The following MAML3 variants were observed in gnomAD, a reference collection of about 807,000 sequenced individuals.
The protein encoded by MAML3 is mastermind-like protein 3.
Under a neutral mutation model 101.9 loss-of-function variants are expected in MAML3, and 27 were observed. The ratio of observed to expected loss-of-function variants is 0.27; its 90% CI spans 0.20 to 0.37. MAML3 has a LOEUF of 0.37. MAML3 is among the 10% of genes least tolerant of loss of function. The probability of loss-of-function intolerance (pLI) is 1.00; values close to 1 mark genes in which losing one functional copy is unlikely to be tolerated. For missense variants in MAML3, 1,316 were observed against 1,444.9 expected (o/e 0.91, Z 1.45); for synonymous variants, 501 against 555.9 (o/e 0.90, Z 1.39).
At chr4:140,120,351 T>C (rs1303666659) in intron 1 of MAML3, among the ~76,000 whole-genome samples, 1 of 151,922 alleles carries the variant, frequency 6.6e-6, no homozygotes, top group African/African-American at 2.4e-5. Context: ...TGATACCATA[T>C]ACAAAAAGCT....
At position 139,765,457 on chromosome 4, in the gene MAML3, C is replaced by T. The variant is rs967297584; in HGVS notation, c.2080-34790G>A. Among the ~76,000 whole-genome samples the T allele has an allele frequency of 1.1e-4, 16 of 152,182 alleles. 1 individual carries two copies. Among genetic ancestry groups the T allele is most frequent in the Admixed American group, 6.5e-5 (1 of 15,282 alleles). The stretch of plus-strand genomic sequence containing the variant: ...ATGACATTGGTTACCCTGATTTTGG[C>T]TTTACTGGGCCTGAAAGTGCAAAGT... On this transcript the variant is annotated intron_variant, in intron 2 of 4. Coordinates refer to ENST00000509479, the MANE Select transcript of MAML3 (RefSeq NM_018717.5).
chr4:140,117,762 CAAATA>C (rs1289899047), intron 1 of MAML3, among the ~76,000 whole-genome samples: 2 of 151,692 alleles, frequency 1.3e-5, no homozygotes, highest in Non-Finnish European at 2.9e-5. Flanking sequence ...CATAAAAATA[CAAATA>C]AAATGTTTCT....
At chr4:139,838,994 T>C (rs73854384) in intron 2 of MAML3, among the ~76,000 whole-genome samples, 13,811 of 152,244 alleles carry the variant, frequency 0.091, 1,945 homozygotes, top group African/African-American at 0.31. Context: ...TGAAAACATT[T>C]ACCCTAAAAA....
chr4:140,065,396 T>C (rs1169361180), intron 1 of MAML3, among the ~76,000 whole-genome samples: 1 of 152,170 alleles, frequency 6.6e-6, no homozygotes, highest in Non-Finnish European at 1.5e-5. Context: ...ATCAGCTGGC[T>C]CTACTGATGG....
At chr4:139,918,966 GA>G (rs1270996835) in intron 1 of MAML3, among the ~76,000 whole-genome samples, 2 of 152,046 alleles carry the variant, frequency 1.3e-5, no homozygotes, top group Admixed American at 1.3e-4. Context: ...AAATATTAGA[GA>G]AAAAACATCT....
At chr4:140,146,239 T>C (rs1729062615) in intron 1 of MAML3, among the ~76,000 whole-genome samples, 1 of 152,178 alleles carries the variant, frequency 6.6e-6, no homozygotes, top group Non-Finnish European at 1.5e-5. Context: ...AGTAGTAACT[T>C]CCTGCTCCTA....
At chr4:139,745,243 T>C (rs746830792) in intron 2 of MAML3, among the ~76,000 whole-genome samples, 37 of 152,136 alleles carry the variant, frequency 2.4e-4, no homozygotes, top group Non-Finnish European at 3.8e-4. Context: ...GGACTGGCCA[T>C]GGACAGATCT....
intron 1 of MAML3, chr4:140,128,210 G>C (rs1578698978): frequency 6.6e-6 from 1 of 152,266 alleles, no homozygotes. Context: ...ACAATACAAG[G>C]TAAGATCTCT....
intron 2 of MAML3, among the ~76,000 whole-genome samples, chr4:139,781,101 C>T (rs912411028): frequency 2.0e-4 from 30 of 152,300 alleles, no homozygotes; most frequent in African/African-American, 7.0e-4. Flanking sequence ...ATGCATTACT[C>T]TCTGGATGTT....
At chr4:139,906,375 C>G (rs1226285969) in intron 1 of MAML3, among the ~76,000 whole-genome samples, 1 of 152,180 alleles carries the variant, frequency 6.6e-6, no homozygotes, top group Non-Finnish European at 1.5e-5. Flanking sequence ...TCAGAGGAGG[C>G]AAAAGTTAGC....
chr4:139,725,460 C>A (rs531281228), intron 4 of MAML3, among the ~76,000 whole-genome samples: 5 of 152,254 alleles, frequency 3.3e-5, no homozygotes, highest in Admixed American at 3.3e-4. Flanking sequence ...ATACTATGTA[C>A]CTTTGGTAAA....
chr4:139,946,925 A>ACACACACACACACACT (rs1335985003), intron 1 of MAML3, among the ~76,000 whole-genome samples: 1 of 68,132 alleles, frequency 1.5e-5, no homozygotes, highest in Non-Finnish European at 3.2e-5. Context: ...ACACACACAC[A>ACACACACACACACACT]CTCTCTCTCT....
rs1286980615 is a variant in MAML3, at chr4:139,785,833, T to C, written c.2080-55166A>G. On this transcript the variant is annotated intron_variant, in intron 2 of 4. Coordinates refer to ENST00000509479, the MANE Select transcript of MAML3 (RefSeq NM_018717.5). The surrounding 1 kb of genome is among the most constrained non-coding windows in gnomAD (Gnocchi z 4.3). ...CTTCTCATACACAGAGAAGGGGGCC[T>C]GGGAATTCTAATGACAATTTAATAG... 6.6e-6 allele frequency among the ~76,000 whole-genome samples: 1 copy of C among 152,284 alleles called. No individual in the cohort carries two copies. The highest frequency in any genetic ancestry group is 1.9e-4 in the East Asian group (1 of 5,178).
At chr4:139,738,321 A>G (rs1019036729) in intron 2 of MAML3, among the ~76,000 whole-genome samples, 3 of 152,226 alleles carry the variant, frequency 2.0e-5, no homozygotes, top group Non-Finnish European at 4.4e-5. Flanking sequence ...AGGCGGGTGG[A>G]TCACCTGAGG....
chr4:140,135,250 C>CT (rs1357800894), intron 1 of MAML3, among the ~76,000 whole-genome samples: 4 of 152,244 alleles, frequency 2.6e-5, no homozygotes, highest in Admixed American at 2.0e-4. Context: ...GACGAATACT[C>CT]TATCTCCTTT....
chr4:140,074,542 C>G (rs1727734793), intron 1 of MAML3, among the ~76,000 whole-genome samples: 1 of 152,208 alleles, frequency 6.6e-6, no homozygotes. Context: ...CACCTGACCT[C>G]ATGACAGGTC....
chr4:140,040,449 C>T (rs1727063376), intron 1 of MAML3, among the ~76,000 whole-genome samples: 1 of 152,182 alleles, frequency 6.6e-6, no homozygotes, highest in East Asian at 1.9e-4. Context: ...TCCCTCCCAC[C>T]TGAACATCAA....
intron 1 of MAML3, among the ~76,000 whole-genome samples, chr4:139,974,136 C>G (rs1048897437): frequency 6.8e-6 from 1 of 146,640 alleles, no homozygotes; most frequent in Non-Finnish European, 1.5e-5. Flanking sequence ...GACAGAGTCT[C>G]GCTCTATCAC....
intron 1 of MAML3, among the ~76,000 whole-genome samples, chr4:140,021,342 AAAAG>A (rs1726729978): frequency 6.6e-6 from 1 of 152,236 alleles, no homozygotes; most frequent in African/African-American, 2.4e-5. Flanking sequence ...GGGCTGGAAA[AAAAG>A]AATGATTTGC....
Sources: gnomAD v4.1 joint callset for allele counts (sites outside exome capture counted in the v4.1 genomes callset) on GRCh38, gnomAD v4.1.1 for gene constraint, Gnocchi (gnomAD v3.1) non-coding constraint, MANE v1.5 for transcripts, NCBI Gene and HGNC (gene_info 2026-07-23, HGNC 2026-07-21) for gene names.